The following HDAC9 variants were observed in gnomAD, a reference collection of about 807,000 sequenced individuals.
The protein encoded by HDAC9 is histone deacetylase 9.
HDAC9 carries 41 observed loss-of-function variants against 139.4 expected under a neutral mutation model. The ratio of observed to expected loss-of-function variants is 0.29; its 90% CI spans 0.23 to 0.38. HDAC9 has a LOEUF of 0.38. HDAC9 is among the 10% of genes least tolerant of loss of function. The pLI is 1.00. For synonymous variants in HDAC9, 517 were observed against 476.2 expected (o/e 1.09, Z -1.12); for missense variants, 1,147 against 1,297.0 (o/e 0.88, Z 1.78).
intron 13 of HDAC9, among the ~76,000 whole-genome samples, chr7:18,747,664 G>A (rs1788097816): frequency 1.3e-5 from 2 of 152,172 alleles, no homozygotes; most frequent in African/African-American, 4.8e-5. Context: ...GGTCAGTCCT[G>A]AGGATGAAAA....
At chr7:18,381,451 G>C (rs1785439491) in intron 1 of HDAC9, among the ~76,000 whole-genome samples, 1 of 151,786 alleles carries the variant, frequency 6.6e-6, no homozygotes. Flanking sequence ...AATCACGGGA[G>C]ATTTAAAAGA....
chr7:18,418,358 A>G (rs1789287435), intron 1 of HDAC9, among the ~76,000 whole-genome samples: 1 of 145,794 alleles, frequency 6.9e-6, no homozygotes, highest in African/African-American at 2.5e-5. Context: ...ACACCTTTAT[A>G]TTTACTTTTT....
At chr7:18,882,938 A>G (rs2129257937) in intron 22 of HDAC9, among the ~76,000 whole-genome samples, 1 of 152,234 alleles carries the variant, frequency 6.6e-6, no homozygotes, top group African/African-American at 2.4e-5. Flanking sequence ...TAGTAAGTGT[A>G]TTGTCCATTT....
At chr7:18,215,249 G>C (rs779019545) in intron 2 of HDAC9, among the ~76,000 whole-genome samples, 99 of 152,210 alleles carry the variant, frequency 6.5e-4, no homozygotes, top group Non-Finnish European at 1.1e-3. Flanking sequence ...CCGTGGGCCA[G>C]TCGAAAAAAG....
At chr7:18,196,291 G>C (rs568454162) in intron 2 of HDAC9, among the ~76,000 whole-genome samples, 5 of 152,322 alleles carry the variant, frequency 3.3e-5, no homozygotes, top group Non-Finnish European at 7.4e-5. Context: ...GAATAGTGTA[G>C]AGGAACAGTG....
At chr7:18,767,599 A>G (rs1481489041) in intron 16 of HDAC9, among the ~76,000 whole-genome samples, 3 of 152,312 alleles carry the variant, frequency 2.0e-5, no homozygotes, top group African/African-American at 7.2e-5. Context: ...AGTGCTTTGC[A>G]TTATGGGACA....
chr7:18,339,752 A>G (rs1375534080), intron 1 of HDAC9, among the ~76,000 whole-genome samples: 3 of 151,508 alleles, frequency 2.0e-5, no homozygotes, highest in African/African-American at 7.2e-5. Context: ...TTAAAAACAT[A>G]ACTTCTATGA....
At chr7:18,120,096 C>T (rs567544364) in intron 1 of HDAC9, among the ~76,000 whole-genome samples, 136 of 152,274 alleles carry the variant, frequency 8.9e-4, no homozygotes, top group Middle Eastern at 3.4e-3. Context: ...ACATTTACTA[C>T]TGGGTAGAAA....
rs116036955 is a variant in HDAC9, at chr7:18,389,411, G to A, written c.-42+98896G>A. On this transcript the variant is annotated intron_variant, in intron 1 of 3. Coordinates refer to the HDAC9 transcript ENST00000413509. ...AGGGCCCTGTAGTGATGGTAGCTTCGAAATCAGCACATGGCTTCCAGTGTT... is the reference window on the plus strand; with the variant it reads ...AGGGCCCTGTAGTGATGGTAGCTTCAAAATCAGCACATGGCTTCCAGTGTT... 6.0e-3 allele frequency among the ~76,000 whole-genome samples: 909 copies of A among 152,264 alleles called. 6 individuals carry two copies. The highest frequency in any genetic ancestry group is 0.02 in the African/African-American group (834 of 41,542).
At chr7:18,101,236 A>C (rs1264443477) in intron 1 of HDAC9, among the ~76,000 whole-genome samples, 1 of 152,000 alleles carries the variant, frequency 6.6e-6, no homozygotes, top group Non-Finnish European at 1.5e-5. Flanking sequence ...TAGTTCCTCC[A>C]ATTCATCTCC....
In HDAC9 at chr7:18,169,634, C is replaced by G. The variant is rs938685151; in HGVS notation, c.25+7285C>G. On this transcript the variant is annotated intron_variant, in intron 2 of 12. Transcript: ENST00000417496. ...CTGTCCCCCACCGCACGACAGGCCCCGGTGTGTGATGTTCCCCGCCCTATG... is the reference window on the plus strand; with the variant it reads ...CTGTCCCCCACCGCACGACAGGCCCGGGTGTGTGATGTTCCCCGCCCTATG... 1.1e-3 allele frequency among the ~76,000 whole-genome samples: 166 copies of G among 152,156 alleles called. 1 individual carries two copies. The highest frequency in any genetic ancestry group is 3.7e-3 in the African/African-American group (153 of 41,520).
chr7:18,457,338 T>A (rs1175643508), intron 1 of HDAC9, among the ~76,000 whole-genome samples: 1 of 152,340 alleles, frequency 6.6e-6, no homozygotes, highest in East Asian at 1.9e-4. Context: ...GAACTGTCAT[T>A]AACTGAAAGG....
At chr7:18,928,689 T>TA (rs1804453097) in intron 22 of HDAC9, among the ~76,000 whole-genome samples, 1 of 152,138 alleles carries the variant, frequency 6.6e-6, no homozygotes, top group Non-Finnish European at 1.5e-5. Flanking sequence ...AATGTATTTT[T>TA]AAAAAACCAG....
chr7:18,380,332 C>A (rs1785321035), intron 1 of HDAC9, among the ~76,000 whole-genome samples: 2 of 152,032 alleles, frequency 1.3e-5, no homozygotes. Context: ...TTTAAAGAAA[C>A]ATCCATGGTG....
chr7:18,792,328 G>A (rs954164911), intron 16 of HDAC9, among the ~76,000 whole-genome samples: 4 of 149,354 alleles, frequency 2.7e-5, no homozygotes, highest in Non-Finnish European at 5.9e-5. Flanking sequence ...CATTTGGGAA[G>A]TCTTGCTATT....
chr7:18,580,845 G>A (rs1827595524), intron 2 of HDAC9, among the ~76,000 whole-genome samples: 1 of 152,066 alleles, frequency 6.6e-6, no homozygotes, highest in South Asian at 2.1e-4. Flanking sequence ...AAACATACTG[G>A]GATGTAAAAG....
At position 18,752,886 on chromosome 7, in the gene HDAC9, G is replaced by A. The variant is rs559559350; in HGVS notation, c.2043+3748G>A. Among the ~76,000 whole-genome samples, 27 of 152,164 alleles carry A rather than the reference G, an allele frequency of 1.8e-4. 1 individual carries two copies. In the East Asian group the frequency reaches 5.2e-3, roughly 29 times the overall value. ...GTTGACATATTTCAGAATCATCTGA[G>A]GGGATGGTAAAACACAGATTGCTCA... On this transcript the variant is annotated intron_variant, in intron 14 of 25. Transcript: ENST00000686413.
intron 25 of HDAC9, among the ~76,000 whole-genome samples, chr7:18,992,423 A>G (rs938962720): frequency 2.8e-4 from 43 of 152,324 alleles, no homozygotes; most frequent in African/African-American, 9.1e-4. Flanking sequence ...AATTTACATA[A>G]AATAAAAATA....
At chr7:18,627,196 C>T (rs1162073177) in intron 6 of HDAC9, among the ~76,000 whole-genome samples, 5 of 152,196 alleles carry the variant, frequency 3.3e-5, no homozygotes, top group African/African-American at 7.2e-5. Flanking sequence ...GAATTCACAT[C>T]CCTCAATGAA....
Sources: gnomAD v4.1 joint callset for allele counts (sites outside exome capture counted in the v4.1 genomes callset) on GRCh38, gnomAD v4.1.1 for gene constraint, MANE v1.5 for transcripts, NCBI Gene and HGNC (gene_info 2026-07-23, HGNC 2026-07-21) for gene names.